XPO1: variants seen among roughly 807,000 people sequenced by gnomAD.
XPO1 encodes the protein exportin 1.
A neutral mutation model predicts 133.3 loss-of-function variants in XPO1; 5 were observed. That is an observed-to-expected ratio of 0.04 (90% CI 0.02 to 0.08). The LOEUF (loss-of-function observed/expected upper bound fraction) is 0.08. XPO1 is among the 10% of genes least tolerant of loss of function. The pLI is 1.00. For synonymous variants in XPO1, 419 were observed against 408.2 expected (o/e 1.03, Z -0.32); for missense variants, 506 against 1,267.5 (o/e 0.40, Z 9.12).
At chr2:61,502,103 C>T (rs1211637350) in intron 5 of XPO1, 63 bp from the exon 6 acceptor site, 1 of 1,526,106 alleles carries the variant, frequency 6.6e-7, no homozygotes, top group Non-Finnish European at 8.9e-7. Context: ...TATAACCAGA[C>T]AATCCTAACA....
At chr2:61,483,158 C>A in intron 21 of XPO1, 67 bp from the exon 22 acceptor site, 1 of 1,512,480 alleles carries the variant, frequency 6.6e-7, no homozygotes, top group South Asian at 1.3e-5. Context: ...GTATTTAGCT[C>A]TTATCAAAGT....
intron 4 of XPO1, among the ~76,000 whole-genome samples, chr2:61,515,141 G>A (rs1275809767): frequency 7.3e-5 from 11 of 151,490 alleles, no homozygotes; most frequent in Admixed American, 6.6e-4. Context: ...ACAAGCACAT[G>A]TGAAGAGGGG....
intron 4 of XPO1, among the ~76,000 whole-genome samples, chr2:61,506,686 C>CAAAT (rs202036818): frequency 0.11 from 15,846 of 149,378 alleles, 1,249 homozygotes; most frequent in East Asian, 0.36. Flanking sequence ...GACTCCACCT[C>CAAAT]AAATAAATAA....
In XPO1 at chr2:61,485,860, T is replaced by C. The variant is rs1460782822; in HGVS notation, c.2416A>G (p.Ile806Val). The change falls in exon 20 of 25, where the codon ATA becomes GTA. Residue 806 changes from isoleucine to valine, a missense_variant. Physicochemically the swap from Ile to Val is conservative, Grantham distance 29. Transcript: ENST00000401558. ...TGTCCCCCTAACTTGTTGACAATTA[T>C]GGCCATAGTACTAAGCACTTCTGGT... Reference protein sequence around the residue: ...REPEVLSTMAIIVNKLGGHIT... With the variant: ...REPEVLSTMAVIVNKLGGHIT... 4.3e-6 allele frequency: 7 copies of C among 1,614,146 alleles called. No individual in the cohort carries two copies. The highest frequency in any genetic ancestry group is 1.3e-5 in the African/African-American group (1 of 75,062).
chr2:61,483,291 A>C, intron 21 of XPO1, 200 bp from the exon 22 acceptor site: 1 of 529,978 alleles, frequency 1.9e-6, no homozygotes, highest in Non-Finnish European at 3.2e-6. Context: ...TATAAATTAT[A>C]ATAAGTTGTG....
chr2:61,483,665 T>C, intron 21 of XPO1: 2 of 312,434 alleles, frequency 6.4e-6, no homozygotes, highest in South Asian at 1.1e-4. Context: ...TGATTCTATA[T>C]GAACTTCTAC....
At chr2:61,532,087 T>C (rs529011994) in intron 2 of XPO1, among the ~76,000 whole-genome samples, 28 of 152,256 alleles carry the variant, frequency 1.8e-4, no homozygotes, top group African/African-American at 6.7e-4. Flanking sequence ...TTTCAGAAAG[T>C]GTAATGGCAC....
At chr2:61,536,395 C>G (rs1244164929) in intron 1 of XPO1, 1 of 152,248 alleles carries the variant, frequency 6.6e-6, no homozygotes, top group African/African-American at 2.4e-5. Context: ...TCCCATTGGG[C>G]TCTTCAATCC....
chr2:61,538,172 G>T lies in XPO1; in HGVS notation c.-617C>A. The stretch of plus-strand genomic sequence containing the variant: ...AAAGACTGGAACAGGCACCGCCGCC[G>T]GGGCTGTAGCTACTGTTGCTCTTGC... On this transcript the variant is annotated 5_prime_UTR_variant, in exon 1 of 25. Coordinates refer to ENST00000401558, the MANE Select transcript of XPO1 (RefSeq NM_003400.4). 4.6e-6 allele frequency: 1 copy of T among 217,260 alleles called. No homozygotes were observed. The highest frequency in any genetic ancestry group is 9.2e-6 in the Non-Finnish European group (1 of 108,866). The allele number at this position is 217,260 out of a possible 1,614,324, so 13.5% of individuals were successfully genotyped here.
At chr2:61,498,529 G>T in intron 9 of XPO1, 144 bp downstream of exon 9, 6 of 984,134 alleles carry the variant, frequency 6.1e-6, no homozygotes, top group Middle Eastern at 3.4e-4. Context: ...TACTAGGTGT[G>T]AATATGGGAA....
At chr2:61,500,302 T>C (rs1367337165) in intron 6 of XPO1, among the ~76,000 whole-genome samples, 1 of 151,774 alleles carries the variant, frequency 6.6e-6, no homozygotes, top group Non-Finnish European at 1.5e-5. Flanking sequence ...CTGGCCAGGC[T>C]GGGCGTGGTA....
At chr2:61,514,994 G>C (rs764513713) in intron 4 of XPO1, among the ~76,000 whole-genome samples, 1 of 150,792 alleles carries the variant, frequency 6.6e-6, no homozygotes, top group African/African-American at 2.4e-5. Context: ...GCTTGAACCC[G>C]AGAGCCAGAG....
intron 2 of XPO1, among the ~76,000 whole-genome samples, chr2:61,527,136 A>G (rs1030831331): frequency 2.0e-5 from 3 of 152,108 alleles, no homozygotes; most frequent in African/African-American, 4.8e-5. Flanking sequence ...TCTGAAGCAA[A>G]TAAGTTCTCA....
At chr2:61,493,795 T>C (rs755790380) in intron 12 of XPO1, 99 bp downstream of exon 12, 107 of 1,325,578 alleles carry the variant, frequency 8.1e-5, no homozygotes, top group Non-Finnish European at 1.1e-4. Flanking sequence ...GGGTTCTCTT[T>C]TTATAGCTAA....
chr2:61,491,925 C>A, intron 16 of XPO1, 110 bp downstream of exon 16: 2 of 1,326,176 alleles, frequency 1.5e-6, no homozygotes, highest in Non-Finnish European at 1.0e-6. Flanking sequence ...AAAATTTAAT[C>A]AGAAACACTT....
chr2:61,519,133 T>C (rs971078866), intron 4 of XPO1, among the ~76,000 whole-genome samples: 2 of 152,222 alleles, frequency 1.3e-5, no homozygotes, highest in East Asian at 1.9e-4. Context: ...GTATTTTTAG[T>C]AGAGATAGGG....
At chr2:61,518,421 C>CAT (rs1698514869) in intron 4 of XPO1, among the ~76,000 whole-genome samples, 1 of 18,874 alleles carries the variant, frequency 5.3e-5, no homozygotes, top group Non-Finnish European at 1.0e-4. Context: ...AAACAAAACA[C>CAT]ACACACACAC....
In XPO1 at chr2:61,506,752, C is replaced by T. The variant is rs1177931415; in HGVS notation, c.302-4442G>A. Among the ~76,000 whole-genome samples, 6 of 151,890 alleles carry T rather than the reference C, an allele frequency of 4.0e-5. No homozygotes were observed. The East Asian group carries it at 1.2e-3, about 29-fold the overall frequency. On this transcript the variant is annotated intron_variant, in intron 4 of 24. Coordinates refer to ENST00000401558, the MANE Select transcript of XPO1 (RefSeq NM_003400.4). ...TATAATACATATCTAGGTAGAAAATCGAAATGTTTCTAAGTAGCAGAAACA... is the reference window on the plus strand; with the variant it reads ...TATAATACATATCTAGGTAGAAAATTGAAATGTTTCTAAGTAGCAGAAACA...
intron 4 of XPO1, among the ~76,000 whole-genome samples, chr2:61,515,002 G>A (rs959913946): frequency 6.6e-6 from 1 of 151,318 alleles, no homozygotes; most frequent in East Asian, 1.9e-4. Flanking sequence ...CCGAGAGCCA[G>A]AGGTTGCAAT....
Sources: allele counts gnomAD v4.1 joint callset (sites outside exome capture counted in the v4.1 genomes callset), GRCh38; gene constraint gnomAD v4.1.1; transcripts MANE v1.5; gene names NCBI Gene and HGNC (gene_info 2026-07-23, HGNC 2026-07-21).